Variants in PRR27 observed in about 807,000 individuals in gnomAD.
PRR27 encodes the protein proline rich 27.
In PRR27, 12 loss-of-function variants were observed where a neutral mutation model predicts 16.8. The ratio of observed to expected loss-of-function variants is 0.71; its 90% CI spans 0.46 to 1.16. PRR27 has a LOEUF of 1.16. Among genes scored for constraint, PRR27 ranks in the 50% most tolerant of loss-of-function variants. The probability of loss-of-function intolerance (pLI) is 0.00; values close to 1 mark genes in which losing one functional copy is unlikely to be tolerated. For missense variants in PRR27, 277 were observed against 273.3 expected, an observed-to-expected ratio of 1.01 and a Z score of -0.10; for synonymous variants, 100 against 98.4, an observed-to-expected ratio of 1.02 and a Z score of -0.10.
chr4:70,157,858 T>C (rs1198425716), intron 2 of PRR27, among the ~76,000 whole-genome samples: 1 of 151,998 alleles, frequency 6.6e-6, no homozygotes, highest in African/African-American at 2.4e-5. Context: ...AGGTAGGAAG[T>C]TGAGAAAGAT....
chr4:70,154,996 G>T (rs1025416322), intron 1 of PRR27, among the ~76,000 whole-genome samples: 1 of 151,980 alleles, frequency 6.6e-6, no homozygotes, highest in African/African-American at 2.4e-5. Context: ...TTTAAATGGA[G>T]AAAATAATAA....
At position 70,164,029 on chromosome 4, in the gene PRR27, T is replaced by C. The variant is rs1049365713; in HGVS notation, c.*1368T>C. 6.6e-6 allele frequency: 1 copy of C among 152,186 alleles called. No homozygotes were observed. The highest frequency in any genetic ancestry group is 6.5e-5 in the Admixed American group (1 of 15,274). 9.4% of individuals were successfully genotyped at this position (152,186 alleles called of 1,614,324 possible). A position where few individuals can be genotyped will look rare whatever the true frequency, so the allele number is the denominator to read the frequency against. ...TCAGAATACTCTTCCCTGAGCACTC[T>C]ATCTAAATAAATCCCTCTTCTGCAA... On this transcript the variant is annotated 3_prime_UTR_variant, in exon 5 of 5. Transcript: ENST00000344526.
chr4:70,165,537 C>T lies in PRR27; in HGVS notation c.*2876C>T, dbSNP rs1224103172. The T allele has an allele frequency of 6.6e-6, 1 of 152,000 alleles. No individual in the cohort carries two copies. The highest frequency in any genetic ancestry group is 2.4e-5 in the African/African-American group (1 of 41,396). 9.4% of individuals were successfully genotyped at this position (152,000 alleles called of 1,614,324 possible). A position where few individuals can be genotyped will look rare whatever the true frequency, so the allele number is the denominator to read the frequency against. ...TCTACTTTTAAAAATGATTTTTCCA[C>T]CTCTAATGTATTCTATAAAATAATA... On this transcript the variant is annotated 3_prime_UTR_variant, in exon 5 of 5. Coordinates refer to ENST00000344526, the MANE Select transcript of PRR27 (RefSeq NM_214711.4).
In PRR27 at chr4:70,154,409, G is replaced by C. The variant is rs1371637818; in HGVS notation, c.34G>C (p.Val12Leu). Residue 12 changes from valine (V) to leucine (L), a missense_variant, in exon 1 of 5, where the codon GTT (valine) becomes CTT (leucine). By Grantham distance (32) the Val-to-Leu change is conservative. Coordinates refer to ENST00000344526, the MANE Select transcript of PRR27 (RefSeq NM_214711.4). ...TCTCCTTTGGGCCTGCATTGTATGT[G>C]TTGCTTTTGCAAGGAAGGTAAGTAA... ...KLLLWACIVC[V>L]AFARKRRFPF... 6.2e-7 allele frequency: 1 copy of C among 1,612,862 alleles called. No homozygotes were observed. Among genetic ancestry groups the C allele is most frequent in the African/African-American group, 1.3e-5 (1 of 74,878 alleles).
At chr4:70,161,207 CATATATATAT>C (rs5859213) in intron 3 of PRR27, among the ~76,000 whole-genome samples, 7 of 119,572 alleles carry the variant, frequency 5.9e-5, no homozygotes, top group Non-Finnish European at 8.3e-5. Context: ...TACACGTATA[CATATATATAT>C]ATATATATAT....
chr4:70,161,156 G>GTATATATGTATA (rs1728637665), intron 3 of PRR27, among the ~76,000 whole-genome samples: 1 of 93,922 alleles, frequency 1.1e-5, no homozygotes, highest in East Asian at 3.2e-4. Context: ...TATGAACACT[G>GTATATATGTATA]TATATATATA....
In PRR27 at chr4:70,154,296, G is replaced by C; in HGVS notation, c.-80G>C. 1 of 1,223,732 alleles carries C rather than the reference G, an allele frequency of 8.2e-7. No homozygotes were observed. Among genetic ancestry groups the C allele is most frequent in the Non-Finnish European group, 1.2e-6 (1 of 851,804 alleles). 75.8% of individuals were successfully genotyped at this position (1,223,732 alleles called of 1,614,324 possible). A position where few individuals can be genotyped will look rare whatever the true frequency, so the allele number is the denominator to read the frequency against. On this transcript the variant is annotated 5_prime_UTR_variant, in exon 1 of 5. Coordinates refer to ENST00000344526, the MANE Select transcript of PRR27 (RefSeq NM_214711.4). ...ATTCTTTCGTTTCTCTCTAAAAGAAGAAAAATATAATTTAAAAATACATTG... is the reference window on the plus strand; with the variant it reads ...ATTCTTTCGTTTCTCTCTAAAAGAACAAAAATATAATTTAAAAATACATTG...
At chr4:70,161,725 T>C (rs1373265129) in intron 4 of PRR27, 95 bp downstream of exon 4, 2 of 525,624 alleles carry the variant, frequency 3.8e-6, no homozygotes, top group Admixed American at 7.1e-5. Context: ...TATTTTTTAC[T>C]ACATGAAAAT....
intron 3 of PRR27, among the ~76,000 whole-genome samples, chr4:70,160,706 G>C (rs114837682): frequency 6.7e-6 from 1 of 149,246 alleles, no homozygotes; most frequent in South Asian, 2.2e-4. Flanking sequence ...TAGCTTTAGC[G>C]AAGTTTACTA....
chr4:70,157,433 T>G (rs1019141236), intron 2 of PRR27, among the ~76,000 whole-genome samples: 3 of 150,246 alleles, frequency 2.0e-5, no homozygotes, highest in Non-Finnish European at 4.4e-5. Flanking sequence ...TTCTCAGTAT[T>G]GTATATTATT....
chr4:70,154,858 G>T (rs1728440816), intron 1 of PRR27: 8 of 898,344 alleles, frequency 8.9e-6, no homozygotes, highest in South Asian at 8.2e-5. Flanking sequence ...ACCTTTAGTG[G>T]ACTGTAACGT....
rs1322403720 is a variant in PRR27, at chr4:70,164,325, G to A, written c.*1664G>A. The stretch of plus-strand genomic sequence containing the variant: ...ATGAAGTAACAAACAAAGAATGAAG[G>A]AAGAAAAAATTTTTACAAACATTCA... On this transcript the variant is annotated 3_prime_UTR_variant, in exon 5 of 5. Coordinates refer to ENST00000344526, the MANE Select transcript of PRR27 (RefSeq NM_214711.4). The A allele has an allele frequency of 1.3e-5, 2 of 152,042 alleles. No homozygotes were observed. The highest frequency in any genetic ancestry group is 2.4e-5 in the African/African-American group (1 of 41,408). 9.4% of individuals were successfully genotyped at this position (152,042 alleles called of 1,614,324 possible). A position where few individuals can be genotyped will look rare whatever the true frequency, so the allele number is the denominator to read the frequency against.
At chr4:70,157,232 G>C (rs1425334411) in intron 2 of PRR27, among the ~76,000 whole-genome samples, 1 of 152,014 alleles carries the variant, frequency 6.6e-6, no homozygotes, top group African/African-American at 2.4e-5. Context: ...ACTGGCTGGG[G>C]AATGTAGCAT....
intron 1 of PRR27, chr4:70,154,756 T>C (rs1222098036): frequency 1.5e-6 from 2 of 1,329,412 alleles, no homozygotes; most frequent in Admixed American, 4.5e-5. Flanking sequence ...AATGCTGGAT[T>C]GGGCTTCCTA....
At position 70,158,429 on chromosome 4, in the gene PRR27, C is replaced by T; in HGVS notation, c.177C>T (p.Val59=). 6.2e-7 allele frequency: 1 copy of T among 1,613,028 alleles called. No homozygotes were observed. Among genetic ancestry groups the T allele is most frequent in the African/African-American group, 1.3e-5 (1 of 74,982 alleles). The stretch of plus-strand genomic sequence containing the variant: ...TTTATTATCGCCCAGTGAATACAGT[C>T]CCCAGTTACCCTGGGAATACTTACA... ...PPLYYRPVNT[V]PSYPGNTYTD... The change falls in exon 3 of 5, where the codon GTC becomes GTT. Residue 59 remains valine (V), a synonymous_variant. Coordinates refer to ENST00000344526, the MANE Select transcript of PRR27 (RefSeq NM_214711.4).
chr4:70,162,127 CTG>C (rs1728664450), intron 4 of PRR27, among the ~76,000 whole-genome samples: 1 of 152,212 alleles, frequency 6.6e-6, no homozygotes, highest in Non-Finnish European at 1.5e-5. Context: ...ACTGGACTCA[CTG>C]TGTCTTAGTC....
intron 4 of PRR27, 110 bp downstream of exon 4, chr4:70,161,740 A>C: frequency 2.1e-6 from 1 of 484,536 alleles, no homozygotes. Flanking sequence ...GAAAATGAGA[A>C]AGTGGAGCTT....
intron 2 of PRR27, 107 bp downstream of exon 2, chr4:70,156,184 A>T: frequency 1.9e-6 from 1 of 530,398 alleles, no homozygotes; most frequent in Non-Finnish European, 3.2e-6. Context: ...AATGACTGCT[A>T]TTGCTCTTAA....
At chr4:70,156,131 A>G (rs2109789970) in intron 2 of PRR27, 54 bp downstream of exon 2, 1 of 960,172 alleles carries the variant, frequency 1.0e-6, no homozygotes, top group South Asian at 2.3e-5. Flanking sequence ...CTTAAAATAT[A>G]TTTTACATTT....
Sources: allele counts gnomAD v4.1 joint callset (sites outside exome capture counted in the v4.1 genomes callset), GRCh38; gene constraint gnomAD v4.1.1; transcripts MANE v1.5; gene names NCBI Gene and HGNC (gene_info 2026-07-23, HGNC 2026-07-21).